Variants in PRKN observed in about 807,000 individuals in gnomAD.
PRKN encodes the protein E3 ubiquitin-protein ligase parkin.
PRKN carries 56 observed loss-of-function variants against 59.5 expected under a neutral mutation model. That is an observed-to-expected ratio of 0.94 (90% confidence interval 0.76 to 1.18). The LOEUF is 1.18. Ranked by LOEUF, PRKN falls within the 50% of genes most tolerant of loss-of-function variation. The pLI is 0.00. For missense variants in PRKN, 657 were observed against 596.4 expected (o/e 1.10, Z -1.06); for synonymous variants, 250 against 222.1 (o/e 1.13, Z -1.12).
At chr6:162,477,516 C>T (rs1227106391) in intron 1 of PRKN, among the ~76,000 whole-genome samples, 1 of 152,192 alleles carries the variant, frequency 6.6e-6, no homozygotes, top group Non-Finnish European at 1.5e-5. Context: ...AGTTGCTACA[C>T]AGGGTCATTT....
rs943440932 is a variant in PRKN, at chr6:162,525,922, C to T, written c.8-82449G>A. On this transcript the variant is annotated intron_variant, in intron 1 of 11. Coordinates refer to ENST00000366898, the MANE Select transcript of PRKN (RefSeq NM_004562.3). ...AGGCTGGAGTGCAATGGTGCAATCA[C>T]GGCCCACTGCAGCCCCGACCTCCCA... Among the ~76,000 whole-genome samples the T allele has an allele frequency of 5.3e-5, 8 of 152,120 alleles. No individual in the cohort carries two copies. In the South Asian group the frequency reaches 1.0e-3, roughly 20 times the overall value.
At chr6:162,612,118 G>T (rs1422771434) in intron 1 of PRKN, among the ~76,000 whole-genome samples, 6 of 145,978 alleles carry the variant, frequency 4.1e-5, no homozygotes, top group African/African-American at 1.5e-4. Context: ...GCGTGAACCC[G>T]GGAGGCGGAG....
Position 161,385,223 on chromosome 6 carries a change from C to T in PRKN, c.1167+1571G>A, listed in dbSNP as rs546826234. ...GATTACAGGCATAAGCCACCTCGCC[C>T]GGCCGGGAAATATACTTTTCAATGC... On this transcript the variant is annotated intron_variant, in intron 10 of 11. Transcript: ENST00000366898. This position sits in a 1 kb window ranked among gnomAD's most constrained non-coding sequence, Gnocchi z 4.9. Among the ~76,000 whole-genome samples the T allele has an allele frequency of 4.6e-4, 70 of 152,266 alleles. 1 individual carries two copies. Among genetic ancestry groups the T allele is most frequent in the African/African-American group, 1.4e-3 (57 of 41,556 alleles).
chr6:161,833,874 T>C (rs1263367850), intron 6 of PRKN, among the ~76,000 whole-genome samples: 1 of 152,198 alleles, frequency 6.6e-6, no homozygotes, highest in Non-Finnish European at 1.5e-5. Flanking sequence ...TACCTAGAAC[T>C]ATTTAGATTA....
chr6:161,842,041 A>G (rs576071565), intron 6 of PRKN, among the ~76,000 whole-genome samples: 1 of 152,248 alleles, frequency 6.6e-6, no homozygotes, highest in Admixed American at 6.5e-5. Flanking sequence ...ATTTTTAAGC[A>G]CTAACCCAAA....
rs933927628 is a variant in PRKN, at chr6:161,456,669, A to C, written c.1084-69792T>G. Among the ~76,000 whole-genome samples the C allele has an allele frequency of 6.6e-6, 1 of 152,196 alleles. No homozygotes were observed. The highest frequency in any genetic ancestry group is 2.4e-5 in the African/African-American group (1 of 41,454). On this transcript the variant is annotated intron_variant, in intron 9 of 11. Coordinates refer to ENST00000366898, the MANE Select transcript of PRKN (RefSeq NM_004562.3). The surrounding 1 kb of genome is among the most constrained non-coding windows in gnomAD (Gnocchi z 4.8). ...TCCTGCCCAAGAATAAAGAGGATCA[A>C]GGACAGGGCACTGAACTGTACCAAA...
At chr6:162,104,931 G>C (rs1780127610) in intron 4 of PRKN, among the ~76,000 whole-genome samples, 1 of 152,182 alleles carries the variant, frequency 6.6e-6, no homozygotes, top group Admixed American at 6.5e-5. Context: ...TGGGCAATAA[G>C]GATAAAAGGA....
rs1184897961 is a variant in PRKN at position 162,409,757 on chromosome 6, A to T, written c.171+33553T>A. 2.6e-5 allele frequency among the ~76,000 whole-genome samples: 4 copies of T among 152,334 alleles called. No homozygotes were observed. In the East Asian group the frequency reaches 7.7e-4, roughly 29 times the overall value. The stretch of plus-strand genomic sequence containing the variant: ...CATGTAGGATGAAATTAATACCTCA[A>T]GTGGGATTCTCAACACACTAACTAG... On this transcript the variant is annotated intron_variant, in intron 2 of 11. Coordinates refer to ENST00000366898, the MANE Select transcript of PRKN (RefSeq NM_004562.3).
At chr6:161,433,714 A>G (rs1214002147) in intron 9 of PRKN, among the ~76,000 whole-genome samples, 1 of 152,052 alleles carries the variant, frequency 6.6e-6, no homozygotes, top group Non-Finnish European at 1.5e-5. Context: ...CTCTTCTTTT[A>G]TAAAATATTT....
intron 2 of PRKN, among the ~76,000 whole-genome samples, chr6:162,321,521 AT>A (rs34350616): frequency 4.0e-5 from 6 of 151,812 alleles, no homozygotes; most frequent in Admixed American, 1.3e-4. Context: ...CTTCCAATTT[AT>A]TTTTTTTCAG....
rs2061665362 is a variant in PRKN at position 161,386,666 on chromosome 6, A to G, written c.1167+128T>C. 1 of 793,750 alleles carries G rather than the reference A, an allele frequency of 1.3e-6. No homozygotes were observed. 49.2% of individuals were successfully genotyped at this position (793,750 alleles called of 1,614,324 possible). On this transcript the variant is annotated intron_variant, in intron 10 of 11. Transcript: ENST00000366898. This position sits in a 1 kb window ranked among gnomAD's most constrained non-coding sequence, Gnocchi z 4.3. ...TGGGAGAAGCCACGGCCCCATTCCC[A>G]TGGCTGTCAGCTACCAGTCTGCTTC...
rs1420223284 is a variant in PRKN at position 161,885,686 on chromosome 6, A to T, written c.734+87616T>A. ...TCTCAAAAAAAAAAAAAAAAAAAGA[A>T]TGTCTGAGCCCTCCTGTAGAACAAC... is the stretch of plus-strand genomic sequence containing the variant. On this transcript the variant is annotated intron_variant, in intron 6 of 11. Coordinates refer to ENST00000366898, the MANE Select transcript of PRKN (RefSeq NM_004562.3). Among the ~76,000 whole-genome samples, 4 of 124,992 alleles carry T rather than the reference A, an allele frequency of 3.2e-5. 1 individual carries two copies. In the South Asian group the frequency reaches 7.8e-4, roughly 24 times the overall value. 82.0% of individuals were successfully genotyped at this position (124,992 alleles called of 152,430 possible).
chr6:162,508,397 T>A (rs1793698763), intron 1 of PRKN, among the ~76,000 whole-genome samples: 1 of 152,196 alleles, frequency 6.6e-6, no homozygotes, highest in African/African-American at 2.4e-5. Flanking sequence ...TTTATCTTGT[T>A]TAGCAAATGA....
rs1427258949 is a variant in PRKN at position 161,548,242 on chromosome 6, C to T, written c.1083+612G>A. 6.6e-6 allele frequency among the ~76,000 whole-genome samples: 1 copy of T among 152,192 alleles called. No homozygotes were observed. The highest frequency in any genetic ancestry group is 2.4e-5 in the African/African-American group (1 of 41,458). The stretch of plus-strand genomic sequence containing the variant: ...AGTTATGCTTCTTCCCCCCTTGAGC[C>T]ATCAGCTTGCAGCCATAGATTCATT... On this transcript the variant is annotated intron_variant, in intron 9 of 11. Transcript: ENST00000366898. The surrounding 1 kb of genome is among the most constrained non-coding windows in gnomAD (Gnocchi z 4.2).
chr6:162,655,469 C>T (rs996291991), intron 1 of PRKN, among the ~76,000 whole-genome samples: 4 of 152,088 alleles, frequency 2.6e-5, no homozygotes, highest in Non-Finnish European at 5.9e-5. Context: ...AGAGTATATA[C>T]AAATTAACAC....
intron 1 of PRKN, among the ~76,000 whole-genome samples, chr6:162,573,001 C>T (rs769791353): frequency 3.3e-5 from 5 of 152,172 alleles, no homozygotes; most frequent in Non-Finnish European, 5.9e-5. Context: ...TCATTGAAAT[C>T]TTAATTGCCA....
In PRKN at chr6:162,136,993, C is replaced by A. The variant is rs1364956282; in HGVS notation, c.534+64138G>T. ...AATATAATTTTATTTATGAAGTGGG[C>A]AGATGTATAAAGAGGAATGTGTGAA... On this transcript the variant is annotated intron_variant, in intron 4 of 11. Coordinates refer to ENST00000366898, the MANE Select transcript of PRKN (RefSeq NM_004562.3). 2.0e-5 allele frequency among the ~76,000 whole-genome samples: 3 copies of A among 151,108 alleles called. No individual in the cohort carries two copies. In the East Asian group the frequency reaches 5.8e-4, roughly 29 times the overall value.
chr6:161,720,024 T>A (rs938278973), intron 7 of PRKN, among the ~76,000 whole-genome samples: 1 of 152,190 alleles, frequency 6.6e-6, no homozygotes, highest in African/African-American at 2.4e-5. Context: ...TGCTCCAGTT[T>A]TCCGTGGTTC....
chr6:162,525,704 T>C (rs143050188), intron 1 of PRKN, among the ~76,000 whole-genome samples: 2 of 152,254 alleles, frequency 1.3e-5, no homozygotes, highest in African/African-American at 4.8e-5. Flanking sequence ...GGATCCAGTA[T>C]AGTGTCTGGC....
Sources: gnomAD v4.1 joint callset for allele counts (sites outside exome capture counted in the v4.1 genomes callset) on GRCh38, gnomAD v4.1.1 for gene constraint, Gnocchi (gnomAD v3.1) non-coding constraint, MANE v1.5 for transcripts, NCBI Gene and HGNC (gene_info 2026-07-23, HGNC 2026-07-21) for gene names.